Variants in STK17A observed in about 807,000 individuals in gnomAD.
The protein encoded by STK17A is serine/threonine-protein kinase 17A.
Under a neutral mutation model 43.7 loss-of-function variants are expected in STK17A, and 26 were observed. The observed-to-expected ratio is 0.60, with a 90% CI of 0.44 to 0.83. The LOEUF (loss-of-function observed/expected upper bound fraction) is 0.83, where lower values mean the gene tolerates loss of function less well. Among genes scored for constraint, STK17A ranks in the 40% least tolerant of loss-of-function variants. STK17A has a pLI of 0.00. For missense variants in STK17A, 476 were observed against 511.6 expected (o/e 0.93, Z 0.67); for synonymous variants, 191 against 182.5 (o/e 1.05, Z -0.38).
At chr7:43,593,868 A>G (rs910744929) in intron 1 of STK17A, among the ~76,000 whole-genome samples, 4 of 152,176 alleles carry the variant, frequency 2.6e-5, no homozygotes, top group Admixed American at 2.0e-4. Flanking sequence ...TTTTTAAAAT[A>G]TAGTATGAGG....
Position 43,583,200 on chromosome 7 carries a change from C to T in STK17A, c.-44C>T. The T allele has an allele frequency of 6.5e-7, 1 of 1,548,058 alleles. No homozygotes were observed. The highest frequency in any genetic ancestry group is 8.7e-7 in the Non-Finnish European group (1 of 1,148,374). On this transcript the variant is annotated 5_prime_UTR_variant, in exon 1 of 7. Transcript: ENST00000319357. ...GGGCGGGTCCGTGACCCTCCGGCTG[C>T]TCGGAGTGAACAGGCGGCCAGGAAA...
At chr7:43,623,214 A>G (rs553516084) in intron 4 of STK17A, 7 of 197,460 alleles carry the variant, frequency 3.5e-5, no homozygotes, top group East Asian at 1.6e-4. Context: ...GGGTGGGGCA[A>G]TGGAGAAGCA....
chr7:43,583,706 C>G (rs1271943164), intron 1 of STK17A, among the ~76,000 whole-genome samples: 1 of 152,218 alleles, frequency 6.6e-6, no homozygotes, highest in Non-Finnish European at 1.5e-5. Flanking sequence ...GGACACTTTC[C>G]TCAGCCCTTT....
At chr7:43,611,121 CAA>C (rs778693550) in intron 3 of STK17A, among the ~76,000 whole-genome samples, 1 of 151,170 alleles carries the variant, frequency 6.6e-6, no homozygotes, top group Non-Finnish European at 1.5e-5. Flanking sequence ...CGTCTCAAAA[CAA>C]AAAAAAGAGG....
chr7:43,624,804 C>A lies in STK17A; in HGVS notation c.1207C>A (p.Pro403Thr), dbSNP rs780033239. Residue 403 changes from proline to threonine, a missense_variant, in exon 7 of 7, where the codon CCT becomes ACT. This residue lies in a region of STK17A where 110 missense variants were observed against 103.7 expected (regional missense o/e 1.06). Coordinates refer to ENST00000319357, the MANE Select transcript of STK17A (RefSeq NM_004760.3). ...AISKRFKFEE[P>T]LLQEIPGEFI... ...TTCCAAACGATTTAAATTTGAGGAA[C>A]CTTTGCTACAAGAAATTCCAGGAGA... 1 of 1,605,552 alleles carries A rather than the reference C, an allele frequency of 6.2e-7. No individual in the cohort carries two copies. Among genetic ancestry groups the A allele is most frequent in the Non-Finnish European group, 8.5e-7 (1 of 1,175,420 alleles).
At chr7:43,600,629 C>T (rs2082548918) in intron 2 of STK17A, among the ~76,000 whole-genome samples, 1 of 152,104 alleles carries the variant, frequency 6.6e-6, no homozygotes, top group Non-Finnish European at 1.5e-5. Context: ...TGATTATAAA[C>T]AAAAGCGATA....
At chr7:43,598,089 T>C (rs940099686) in intron 2 of STK17A, among the ~76,000 whole-genome samples, 6 of 152,092 alleles carry the variant, frequency 3.9e-5, no homozygotes, top group African/African-American at 1.4e-4. Context: ...CAGAGAGTAA[T>C]AACATACATG....
chr7:43,601,497 ATC>A (rs1252648793), intron 2 of STK17A, among the ~76,000 whole-genome samples: 3 of 152,172 alleles, frequency 2.0e-5, no homozygotes, highest in African/African-American at 7.2e-5. Flanking sequence ...TTGGAAATTG[ATC>A]CAGAAAAGAC....
intron 2 of STK17A, among the ~76,000 whole-genome samples, chr7:43,597,077 G>C (rs146748547): frequency 1.3e-5 from 2 of 152,032 alleles, no homozygotes; most frequent in South Asian, 4.2e-4. Context: ...AGACAAACTC[G>C]GAAAAATACC....
chr7:43,589,769 A>G (rs2082466494), intron 1 of STK17A, among the ~76,000 whole-genome samples: 2 of 151,072 alleles, frequency 1.3e-5, no homozygotes, highest in African/African-American at 2.4e-5. Flanking sequence ...CTCTCTTCCC[A>G]GTCCCTACGC....
At chr7:43,616,852 G>C (rs778753367) in intron 3 of STK17A, among the ~76,000 whole-genome samples, 2 of 152,248 alleles carry the variant, frequency 1.3e-5, no homozygotes, top group East Asian at 3.9e-4. Context: ...AGCCGAGATC[G>C]CGCCACTGCA....
In STK17A at chr7:43,624,690, A is replaced by G; in HGVS notation, c.1093A>G (p.Ile365Val). The G allele has an allele frequency of 6.2e-7, 1 of 1,614,130 alleles. No individual in the cohort carries two copies. The highest frequency in any genetic ancestry group is 8.5e-7 in the Non-Finnish European group (1 of 1,180,000). The change falls in exon 7 of 7, where the codon ATT becomes GTT. Residue 365 changes from isoleucine (I) to valine (V), a missense_variant. By Grantham distance (29) the Ile-to-Val change is conservative. This residue lies in a region of STK17A where 110 missense variants were observed against 103.7 expected (regional missense o/e 1.06). Transcript: ENST00000319357. ...DTDKSETKES[I>V]VTEELIVVTS... Reference sequence around the variant, plus strand: ...CGACAAATCAGAAACCAAGGAATCCATTGTAACCGAAGAGTTAATTGTAGT... The same window carrying G: ...CGACAAATCAGAAACCAAGGAATCCGTTGTAACCGAAGAGTTAATTGTAGT...
chr7:43,618,721 G>A (rs2083574503), intron 3 of STK17A, among the ~76,000 whole-genome samples: 1 of 152,048 alleles, frequency 6.6e-6, no homozygotes, highest in South Asian at 2.1e-4. Context: ...TTTTCCACTG[G>A]GTAAAAATGA....
At position 43,624,522 on chromosome 7, in the gene STK17A, C is replaced by G. The variant is rs1188456105; in HGVS notation, c.925C>G (p.Arg309Gly). 3 of 1,609,566 alleles carry G rather than the reference C, an allele frequency of 1.9e-6. No individual in the cohort carries two copies. Among genetic ancestry groups the G allele is most frequent in the African/African-American group, 1.3e-5 (1 of 74,636 alleles). Reference protein sequence around the residue: ...RTLLVKKPEDRATAEECLKHP... With the variant: ...RTLLVKKPEDGATAEECLKHP... ...GTAAAACATGTATCTTTACAGAGAT[C>G]GAGCCACTGCTGAAGAATGTCTAAA... is the stretch of plus-strand genomic sequence containing the variant. The change falls in exon 7 of 7, where the codon CGA becomes GGA. Residue 309 changes from arginine to glycine, a missense_variant. Around this residue, in one of 3 missense-constraint regions of STK17A, gnomAD observed 46 missense variants for 81.6 expected, o/e 0.56. Coordinates refer to ENST00000319357, the MANE Select transcript of STK17A (RefSeq NM_004760.3).
intron 3 of STK17A, among the ~76,000 whole-genome samples, chr7:43,611,988 G>A (rs1395758652): frequency 6.6e-6 from 1 of 152,182 alleles, no homozygotes; most frequent in Admixed American, 6.5e-5. Flanking sequence ...CATCAAAGGT[G>A]AATATTAAGT....
intron 3 of STK17A, among the ~76,000 whole-genome samples, chr7:43,617,698 AAG>A (rs2083474666): frequency 6.6e-6 from 1 of 152,164 alleles, no homozygotes; most frequent in African/African-American, 2.4e-5. Flanking sequence ...AGAGGTCTGA[AAG>A]AGAGAAAAAC....
chr7:43,593,341 G>T (rs1342489655), intron 1 of STK17A, among the ~76,000 whole-genome samples: 1 of 152,104 alleles, frequency 6.6e-6, no homozygotes, highest in Non-Finnish European at 1.5e-5. Flanking sequence ...TTATGAATAG[G>T]GCTGTGATTA....
intron 2 of STK17A, among the ~76,000 whole-genome samples, chr7:43,597,453 A>G (rs562260862): frequency 8.5e-4 from 129 of 152,168 alleles, no homozygotes; most frequent in Admixed American, 1.7e-3. Context: ...CATTGGCACA[A>G]TCTCGGCTTA....
intron 4 of STK17A, among the ~76,000 whole-genome samples, 195 bp downstream of exon 4, chr7:43,619,918 A>C (rs556560037): frequency 1.5e-4 from 23 of 152,372 alleles, no homozygotes; most frequent in Middle Eastern, 3.4e-3. Context: ...TGATCTCTTC[A>C]CTATCTCTTC....
Sources: allele counts gnomAD v4.1 joint callset (sites outside exome capture counted in the v4.1 genomes callset), GRCh38; gene constraint gnomAD v4.1.1; regional missense constraint gnomAD v4.1.1; transcripts MANE v1.5; gene names NCBI Gene and HGNC (gene_info 2026-07-23, HGNC 2026-07-21).